The following TFEC variants were observed in gnomAD, a reference collection of about 807,000 sequenced individuals.
The protein encoded by TFEC is class E basic helix-loop-helix protein 34.
TFEC carries 31 observed loss-of-function variants against 41.6 expected under a neutral mutation model. That is an observed-to-expected ratio of 0.74 (90% CI 0.56 to 1.01). The LOEUF (loss-of-function observed/expected upper bound fraction) is 1.01, where lower values mean the gene tolerates loss of function less well. Ranked by LOEUF, TFEC falls within the 50% of genes least tolerant of loss-of-function variation. TFEC has a pLI of 0.00. For missense variants in TFEC, 402 were observed against 404.1 expected (o/e 0.99, Z 0.04); for synonymous variants, 143 against 140.6 (o/e 1.02, Z -0.12).
At chr7:116,108,427 T>G (rs936374851) in intron 3 of TFEC, among the ~76,000 whole-genome samples, 1 of 152,172 alleles carries the variant, frequency 6.6e-6, no homozygotes. Flanking sequence ...ACACCAATGG[T>G]GCAAGCTTTT....
intron 3 of TFEC, among the ~76,000 whole-genome samples, chr7:116,092,570 T>C (rs1251577611): frequency 6.6e-6 from 1 of 152,198 alleles, no homozygotes; most frequent in African/African-American, 2.4e-5. Flanking sequence ...AAGAAGGAAG[T>C]TTAATATGTA....
chr7:115,959,436 G>A (rs1792414282), intron 3 of TFEC, among the ~76,000 whole-genome samples: 1 of 151,548 alleles, frequency 6.6e-6, no homozygotes, highest in Admixed American at 6.6e-5. Context: ...GAAGTCATAG[G>A]GACTGAAACA....
intron 3 of TFEC, among the ~76,000 whole-genome samples, chr7:116,061,064 G>C (rs1036843717): frequency 3.3e-5 from 5 of 152,054 alleles, no homozygotes; most frequent in African/African-American, 7.2e-5. Context: ...TCCATAAATA[G>C]ATTCAGCATC....
At chr7:116,125,096 A>C (rs1798183249) in intron 1 of TFEC, among the ~76,000 whole-genome samples, 2 of 152,214 alleles carry the variant, frequency 1.3e-5, no homozygotes, top group South Asian at 4.1e-4. Flanking sequence ...AAGTAAATCC[A>C]TTACTCAACT....
At chr7:115,998,557 A>C (rs960462243) in intron 1 of TFEC, among the ~76,000 whole-genome samples, 2 of 151,926 alleles carry the variant, frequency 1.3e-5, no homozygotes, top group African/African-American at 2.4e-5. Context: ...GTAAAAAAAA[A>C]CACACAACAA....
Position 115,943,659 on chromosome 7 carries a change from A to T in TFEC, c.516-1619T>A, listed in dbSNP as rs146136063. ...AGACTTTTGCCTCTCTCCCAAAACAATTTCAACAAAGTAGGCATTACAAAT... is the reference window on the plus strand; with the variant it reads ...AGACTTTTGCCTCTCTCCCAAAACATTTTCAACAAAGTAGGCATTACAAAT... On this transcript the variant is annotated intron_variant, in intron 6 of 7. Coordinates refer to ENST00000265440, the MANE Select transcript of TFEC (RefSeq NM_012252.4). Among the ~76,000 whole-genome samples the T allele has an allele frequency of 9.2e-5, 14 of 151,664 alleles. 1 individual carries two copies. The East Asian group carries it at 2.7e-3, about 30-fold the overall frequency.
chr7:116,019,268 T>C (rs1404621492), intron 1 of TFEC, among the ~76,000 whole-genome samples: 2 of 152,186 alleles, frequency 1.3e-5, no homozygotes, highest in Non-Finnish European at 1.5e-5. Flanking sequence ...TTCCCTTCAA[T>C]TGCTCACTAA....
chr7:115,961,320 A>T (rs776641212), intron 3 of TFEC, among the ~76,000 whole-genome samples: 4 of 151,634 alleles, frequency 2.6e-5, no homozygotes, highest in Admixed American at 2.0e-4. Flanking sequence ...ATTGTTAAAA[A>T]CCTCAAAGTT....
intron 3 of TFEC, among the ~76,000 whole-genome samples, chr7:116,066,265 T>G (rs949255116): frequency 1.3e-5 from 2 of 152,150 alleles, no homozygotes; most frequent in East Asian, 3.8e-4. Context: ...AAAGATCAAA[T>G]ATACTCATTG....
chr7:115,970,341 C>T (rs2083690634), intron 3 of TFEC, among the ~76,000 whole-genome samples: 1 of 151,874 alleles, frequency 6.6e-6, no homozygotes, highest in South Asian at 2.1e-4. Flanking sequence ...TATTGATTGG[C>T]TTGCTATTGA....
At chr7:115,975,669 T>C (rs1485395717) in intron 2 of TFEC, among the ~76,000 whole-genome samples, 1 of 152,096 alleles carries the variant, frequency 6.6e-6, no homozygotes, top group Non-Finnish European at 1.5e-5. Flanking sequence ...TAATAACAAA[T>C]AGTGGGCTGA....
chr7:115,949,454 A>G (rs1321838825), intron 6 of TFEC, among the ~76,000 whole-genome samples: 4 of 152,292 alleles, frequency 2.6e-5, no homozygotes, highest in Admixed American at 2.6e-4. Context: ...AAACTATACT[A>G]CAAGGCTACA....
intron 1 of TFEC, among the ~76,000 whole-genome samples, chr7:116,026,556 G>A (rs565494229): frequency 2.6e-5 from 4 of 152,224 alleles, no homozygotes; most frequent in South Asian, 2.1e-4. Flanking sequence ...ATTACTGAAC[G>A]AGGTAAAATC....
intron 4 of TFEC, 79 bp downstream of exon 4, chr7:115,956,600 T>C: frequency 1.2e-6 from 1 of 821,556 alleles, no homozygotes; most frequent in African/African-American, 1.8e-5. Context: ...TTTAAAATCC[T>C]AGTTAGCACA....
At chr7:115,990,170 T>C (rs34509751) in intron 1 of TFEC, among the ~76,000 whole-genome samples, 20,860 of 152,240 alleles carry the variant, frequency 0.14, 1,932 homozygotes, top group Non-Finnish European at 0.21. Flanking sequence ...GGGTTCTGAC[T>C]ATTAGAAGGA....
In TFEC at chr7:115,950,601, A is replaced by G. The variant is rs1488890393; in HGVS notation, c.515+273T>C. Among the ~76,000 whole-genome samples the G allele has an allele frequency of 2.6e-5, 4 of 152,148 alleles. No individual in the cohort carries two copies. The East Asian group carries it at 7.7e-4, about 29-fold the overall frequency. ...TTTGACATTATCACTAAATTTGACA[A>G]TATTGTCACCATACAGAAAGACTCA... is the stretch of plus-strand genomic sequence containing the variant. On this transcript the variant is annotated intron_variant, in intron 6 of 7. Coordinates refer to ENST00000265440, the MANE Select transcript of TFEC (RefSeq NM_012252.4).
intron 3 of TFEC, among the ~76,000 whole-genome samples, chr7:116,093,455 T>C (rs1353308012): frequency 6.6e-6 from 1 of 152,090 alleles, no homozygotes; most frequent in African/African-American, 2.4e-5. Flanking sequence ...AAATGCAAAA[T>C]TTGAGGCTTT....
At chr7:116,020,347 C>A (rs558496899) in intron 1 of TFEC, among the ~76,000 whole-genome samples, 3 of 152,228 alleles carry the variant, frequency 2.0e-5, no homozygotes, top group Non-Finnish European at 4.4e-5. Flanking sequence ...TTGGACAGTA[C>A]ATTTTTATAG....
chr7:116,010,347 G>A (rs941207340), intron 1 of TFEC, among the ~76,000 whole-genome samples: 5 of 152,178 alleles, frequency 3.3e-5, no homozygotes, highest in African/African-American at 1.2e-4. Flanking sequence ...GTAAAGTTGT[G>A]ATGTGGAGAC....
Sources: allele counts gnomAD v4.1 joint callset (sites outside exome capture counted in the v4.1 genomes callset), GRCh38; gene constraint gnomAD v4.1.1; transcripts MANE v1.5; gene names NCBI Gene and HGNC (gene_info 2026-07-23, HGNC 2026-07-21).